Variants in MAN1A2 observed in about 807,000 individuals in gnomAD.
MAN1A2 encodes mannosyl-oligosaccharide 1,2-alpha-mannosidase IB.
Under a neutral mutation model 75.7 loss-of-function variants are expected in MAN1A2, and 26 were observed. That is an observed-to-expected ratio of 0.34 (90% CI 0.25 to 0.48). The LOEUF is 0.48. MAN1A2 is among the 20% of genes least tolerant of loss of function. MAN1A2 has a pLI of 0.99. For missense variants in MAN1A2, 562 were observed against 775.5 expected (o/e 0.72, Z 3.27); for synonymous variants, 247 against 264.6 (o/e 0.93, Z 0.65).
intron 1 of MAN1A2, among the ~76,000 whole-genome samples, chr1:117,385,085 A>G (rs1305383824): frequency 2.0e-5 from 3 of 152,180 alleles, no homozygotes; most frequent in Non-Finnish European, 2.9e-5. Flanking sequence ...GGAACAGCCT[A>G]TGAGGGACCT....
chr1:117,508,509 G>A (rs1651438071), intron 12 of MAN1A2, among the ~76,000 whole-genome samples: 1 of 151,306 alleles, frequency 6.6e-6, no homozygotes, highest in African/African-American at 2.4e-5. Context: ...ATTCTGGAAA[G>A]CTATATAAGA....
chr1:117,500,950 T>C (rs963264120), intron 11 of MAN1A2, among the ~76,000 whole-genome samples: 1 of 151,884 alleles, frequency 6.6e-6, no homozygotes, highest in East Asian at 1.9e-4. Flanking sequence ...TTCACTTGAA[T>C]GTCCCCTGAT....
At chr1:117,377,191 G>A (rs1036574906) in intron 1 of MAN1A2, among the ~76,000 whole-genome samples, 3 of 152,120 alleles carry the variant, frequency 2.0e-5, no homozygotes, top group African/African-American at 7.2e-5. Context: ...TACAAAGTTT[G>A]TATGTGTTTG....
At chr1:117,482,596 T>C (rs1650536035) in intron 8 of MAN1A2, among the ~76,000 whole-genome samples, 1 of 152,116 alleles carries the variant, frequency 6.6e-6, no homozygotes, top group Non-Finnish European at 1.5e-5. Context: ...GGTTGTTTTT[T>C]TTCTTGTAAA....
At chr1:117,403,893 G>C (rs906702585) in intron 2 of MAN1A2, among the ~76,000 whole-genome samples, 3 of 152,130 alleles carry the variant, frequency 2.0e-5, no homozygotes, top group African/African-American at 7.2e-5. Context: ...ACTATGTTGT[G>C]TCAACTGTAG....
chr1:117,482,514 C>CAT (rs1429362656), intron 8 of MAN1A2, among the ~76,000 whole-genome samples: 1 of 151,806 alleles, frequency 6.6e-6, no homozygotes, highest in East Asian at 1.9e-4. Context: ...CATATACAGA[C>CAT]ATATATATAT....
chr1:117,397,135 G>C (rs1431350252), intron 1 of MAN1A2, among the ~76,000 whole-genome samples: 1 of 152,100 alleles, frequency 6.6e-6, no homozygotes, highest in Non-Finnish European at 1.5e-5. Flanking sequence ...AGTCTGGTTA[G>C]TCTTTTCTTG....
At chr1:117,442,566 G>T (rs980361740) in intron 6 of MAN1A2, among the ~76,000 whole-genome samples, 1 of 151,884 alleles carries the variant, frequency 6.6e-6, no homozygotes, top group Non-Finnish European at 1.5e-5. Flanking sequence ...TTTACTACTC[G>T]TTTCTGTAAG....
At chr1:117,418,459 A>G (rs983864582) in intron 4 of MAN1A2, among the ~76,000 whole-genome samples, 1 of 152,158 alleles carries the variant, frequency 6.6e-6, no homozygotes, top group African/African-American at 2.4e-5. Flanking sequence ...CTCTGTCTTA[A>G]TAGATATTAA....
In MAN1A2 at chr1:117,522,877, G is replaced by A. The variant is rs758590515; in HGVS notation, c.1846G>A (p.Val616Met). The change falls in exon 13 of 13, where the codon GTG (valine) becomes ATG (methionine). Residue 616 changes from valine (V) to methionine (M), a missense_variant. This residue lies in a region of MAN1A2 where 434 missense variants were observed against 645.7 expected (regional missense o/e 0.67). Transcript: ENST00000356554. ...TGACCTTTTACCTTTAGACCACTGG[G>A]TGTTTAATACAGAGGCTCACCCTCT... Reference protein sequence around the residue: ...GDDLLPLDHWVFNTEAHPLPV... With the variant: ...GDDLLPLDHWMFNTEAHPLPV... 1.2e-6 allele frequency: 2 copies of A among 1,611,640 alleles called. No homozygotes were observed. The highest frequency in any genetic ancestry group is 3.3e-5 in the Admixed American group (2 of 59,792).
At chr1:117,483,930 G>A (rs1650582262) in intron 8 of MAN1A2, among the ~76,000 whole-genome samples, 1 of 151,372 alleles carries the variant, frequency 6.6e-6, no homozygotes, top group Non-Finnish European at 1.5e-5. Context: ...GTTTATCACT[G>A]GTATGTGTTT....
At chr1:117,384,153 G>A (rs917829985) in intron 1 of MAN1A2, among the ~76,000 whole-genome samples, 3 of 151,842 alleles carry the variant, frequency 2.0e-5, no homozygotes, top group African/African-American at 7.3e-5. Context: ...TCATGTTTTT[G>A]TCTGTTGTGC....
At chr1:117,420,406 A>T (rs1648147306) in intron 4 of MAN1A2, among the ~76,000 whole-genome samples, 163 bp from the exon 5 acceptor site, 1 of 152,132 alleles carries the variant, frequency 6.6e-6, no homozygotes, top group Admixed American at 6.6e-5. Flanking sequence ...CAGTAACATT[A>T]ACAAACGAGA....
At chr1:117,383,126 G>A (rs1467860552) in intron 1 of MAN1A2, among the ~76,000 whole-genome samples, 1 of 152,154 alleles carries the variant, frequency 6.6e-6, no homozygotes. Flanking sequence ...TAGGGGCAAA[G>A]CTTTCAGTCT....
intron 6 of MAN1A2, among the ~76,000 whole-genome samples, chr1:117,457,901 C>T (rs1470803500): frequency 1.3e-5 from 2 of 152,182 alleles, no homozygotes; most frequent in East Asian, 3.8e-4. Context: ...TTTCTGAACT[C>T]TAGCCAAACT....
In MAN1A2 at chr1:117,405,638, CAT is replaced by C; in HGVS notation, c.651_652del (p.Phe218TrpfsTer23). 6.3e-7 allele frequency: 1 copy of C among 1,575,686 alleles called. No individual in the cohort carries two copies. Among genetic ancestry groups the C allele is most frequent in the Non-Finnish European group, 8.7e-7 (1 of 1,146,272 alleles). On this transcript the variant is annotated frameshift_variant, in exon 3 of 13. Transcript: ENST00000356554. LOFTEE classifies it high-confidence loss of function. ...TTGCAAGGAAAGGACACTCCCCTAA[CAT>C]ATTTGGTAAGTTTACTTTTTCTAAT... ...PIARKGHSPN[I>X]FGSSQMGATI...
At chr1:117,413,115 A>T (rs74112592) in intron 3 of MAN1A2, among the ~76,000 whole-genome samples, 21,563 of 151,912 alleles carry the variant, frequency 0.14, 1,750 homozygotes, top group South Asian at 0.22. Context: ...AAATGGCTTG[A>T]TACCATTTTT....
intron 5 of MAN1A2, among the ~76,000 whole-genome samples, chr1:117,428,807 TAAATTTA>T (rs1648474981): frequency 8.1e-6 from 1 of 123,470 alleles, no homozygotes; most frequent in Non-Finnish European, 1.7e-5. Flanking sequence ...TTTTTTTTTT[TAAATTTA>T]TTTTTTTATT....
intron 5 of MAN1A2, among the ~76,000 whole-genome samples, chr1:117,426,816 A>G (rs1245599323): frequency 6.6e-6 from 1 of 152,192 alleles, no homozygotes; most frequent in Non-Finnish European, 1.5e-5. Flanking sequence ...TTTCTTATCA[A>G]TACTTTAAAA....
Sources: allele counts gnomAD v4.1 joint callset (sites outside exome capture counted in the v4.1 genomes callset), GRCh38; gene constraint gnomAD v4.1.1; regional missense constraint gnomAD v4.1.1; transcripts MANE v1.5; gene names NCBI Gene and HGNC (gene_info 2026-07-23, HGNC 2026-07-21).